Variants in ABCA9 observed in about 807,000 individuals in gnomAD.
ABCA9 encodes the protein ATP-binding cassette sub-family A member 9.
Under a neutral mutation model 205.3 loss-of-function variants are expected in ABCA9, and 183 were observed. The observed-to-expected ratio is 0.89, with a 90% CI of 0.79 to 1.01. The LOEUF is 1.01. Ranked by LOEUF, ABCA9 falls within the 50% of genes least tolerant of loss-of-function variation. The pLI, the probability that ABCA9 is intolerant of heterozygous loss-of-function variation, is 0.00. For missense variants in ABCA9, 1,805 were observed against 1,912.4 expected (o/e 0.94, Z 1.05); for synonymous variants, 651 against 683.3 (o/e 0.95, Z 0.74).
intron 22 of ABCA9, among the ~76,000 whole-genome samples, chr17:69,014,627 C>T (rs1193414523): frequency 6.6e-6 from 1 of 151,726 alleles, no homozygotes; most frequent in East Asian, 1.9e-4. Flanking sequence ...ACTGCTGAAA[C>T]GTGGCTTGAA....
intron 23 of ABCA9, among the ~76,000 whole-genome samples, chr17:69,009,839 G>A (rs149879165): frequency 2.0e-5 from 3 of 152,184 alleles, no homozygotes; most frequent in Admixed American, 6.5e-5. Flanking sequence ...GAAGATGAGA[G>A]AGAAAGAAAG....
chr17:68,997,856 A>G (rs554001799), intron 25 of ABCA9, among the ~76,000 whole-genome samples: 1 of 152,278 alleles, frequency 6.6e-6, no homozygotes, highest in African/African-American at 2.4e-5. Context: ...TGGACATTCT[A>G]TAGGTTTGGA....
Position 68,986,218 on chromosome 17 carries a change from A to G in ABCA9, c.4154T>C (p.Val1385Ala), listed in dbSNP as rs1383943664. The G allele has an allele frequency of 1.2e-6, 2 of 1,613,314 alleles. No individual in the cohort carries two copies. The highest frequency in any genetic ancestry group is 1.7e-6 in the Non-Finnish European group (2 of 1,179,690). The change falls in exon 32 of 39, where the codon GTG becomes GCG. Residue 1385 changes from valine to alanine, a missense_variant. Val to Ala is a moderately conservative substitution (Grantham distance 64, BLOSUM62 0). Coordinates refer to ENST00000340001, the MANE Select transcript of ABCA9 (RefSeq NM_080283.4). Reference protein sequence around the residue: ...PNLTVRQHLEVYAAVKGLRKG... With the variant: ...PNLTVRQHLEAYAAVKGLRKG... ...CCTGAGACCTTTCACGGCAGCGTAC[A>G]CCTCCAGGTGCTGCCTCACTGTCAG...
rs555858738 is a variant in ABCA9, at chr17:69,032,115, C to T, written c.1438G>A (p.Ala480Thr). The T allele has an allele frequency of 6.2e-7, 1 of 1,609,432 alleles. No individual in the cohort carries two copies. Among genetic ancestry groups the T allele is most frequent in the East Asian group, 2.2e-5 (1 of 44,844 alleles). The change falls in exon 10 of 39, where the codon GCC becomes ACC. Residue 480 changes from alanine to threonine, a missense_variant. By Grantham distance (58) the Ala-to-Thr change is moderately conservative. Transcript: ENST00000340001. Reference sequence around the variant, plus strand: ...AAGTAATTTATTGGTTACCTGATGGCTTCTTTCCCACAGAATTCTGGAGAC... The same window carrying T: ...AAGTAATTTATTGGTTACCTGATGGTTTCTTTCCCACAGAATTCTGGAGAC... The part of the protein sequence containing the change: ...PVSPEFCGKE[A>T]IRIKNLKKEY...
chr17:69,075,628 G>T, the ABCA9 span, among the ~76,000 whole-genome samples: 2 of 152,102 alleles, frequency 1.3e-5, no homozygotes, highest in Non-Finnish European at 2.9e-5. Context: ...GTATCATGCT[G>T]TTTTGGTTAC....
Position 69,044,499 on chromosome 17 carries a change from C to G in ABCA9, c.571G>C (p.Glu191Gln). Residue 191 changes from glutamate (E) to glutamine (Q), a missense_variant and splice_region_variant, in exon 5 of 39, where the codon GAA becomes CAA. Physicochemically the swap from Glu to Gln is conservative, Grantham distance 29. Transcript: ENST00000340001. ...FQAAINAAII[E>Q]IATNHSVMEQ... Reference sequence around the variant, plus strand: ...GATTCCTTTAACTTTATACTCACTTCTATGATAGCAGCATTAATGGCAGCT... The same window carrying G: ...GATTCCTTTAACTTTATACTCACTTGTATGATAGCAGCATTAATGGCAGCT... The G allele has an allele frequency of 1.2e-6, 2 of 1,612,434 alleles. No homozygotes were observed. The highest frequency in any genetic ancestry group is 4.5e-5 in the East Asian group (2 of 44,756).
chr17:68,991,091 T>A, intron 28 of ABCA9, 134 bp from the exon 29 acceptor site: 1 of 994,908 alleles, frequency 1.0e-6, no homozygotes, highest in Non-Finnish European at 1.4e-6. Context: ...TTCTTCTACT[T>A]GCACCATCCG....
In ABCA9 at chr17:68,975,775, A is replaced by G. The variant is rs1405263889; in HGVS notation, c.*140T>C. ...CTGACATCGCCTGTTGTCTCACTGT[A>G]AGAAATACTACTGAGGATAATTATT... On this transcript the variant is annotated 3_prime_UTR_variant, in exon 39 of 39. Coordinates refer to ENST00000340001, the MANE Select transcript of ABCA9 (RefSeq NM_080283.4). 4 of 696,012 alleles carry G rather than the reference A, an allele frequency of 5.7e-6. No individual in the cohort carries two copies. The highest frequency in any genetic ancestry group is 9.7e-6 in the Non-Finnish European group (4 of 412,572). The allele number at this position is 696,012 out of a possible 1,614,324, so 43.1% of individuals were successfully genotyped here. A position where few individuals can be genotyped will look rare whatever the true frequency, so the allele number is the denominator to read the frequency against.
chr17:69,061,610 C>T (rs919586018), upstream of ABCA9, among the ~76,000 whole-genome samples: 1 of 152,208 alleles, frequency 6.6e-6, no homozygotes, highest in Non-Finnish European at 1.5e-5. Flanking sequence ...GCTCTCAAAG[C>T]CTCCAGGCTT....
chr17:69,001,259 T>A (rs994850055), intron 25 of ABCA9, among the ~76,000 whole-genome samples: 6 of 152,182 alleles, frequency 3.9e-5, no homozygotes, highest in Non-Finnish European at 8.8e-5. Flanking sequence ...TGTGGGTTTG[T>A]CATAGATAAC....
intron 30 of ABCA9, 146 bp from the exon 31 acceptor site, chr17:68,989,264 A>ACACG: frequency 2.1e-6 from 1 of 472,920 alleles, no homozygotes; most frequent in Non-Finnish European, 3.8e-6. Flanking sequence ...TCTCACACAC[A>ACACG]CACACACACA....
At chr17:69,066,764 G>T in the ABCA9 span, among the ~76,000 whole-genome samples, 2 of 152,188 alleles carry the variant, frequency 1.3e-5, no homozygotes, top group African/African-American at 4.8e-5. Context: ...CAACAGATGT[G>T]CTGGGCACTT....
chr17:69,048,240 CAAA>C (rs2071784217), intron 3 of ABCA9, among the ~76,000 whole-genome samples: 2 of 152,116 alleles, frequency 1.3e-5, no homozygotes, highest in Admixed American at 1.3e-4. Flanking sequence ...GACACAGAGT[CAAA>C]CCTATCATGA....
chr17:69,004,364 T>C (rs2070025727), intron 25 of ABCA9, among the ~76,000 whole-genome samples: 1 of 152,180 alleles, frequency 6.6e-6, no homozygotes, highest in South Asian at 2.1e-4. Context: ...GCAGGTCTGT[T>C]GGAGTACCCT....
At chr17:68,998,104 G>A (rs1047565821) in intron 25 of ABCA9, among the ~76,000 whole-genome samples, 2 of 152,056 alleles carry the variant, frequency 1.3e-5, no homozygotes, top group Admixed American at 6.6e-5. Context: ...ATGTCTTTTC[G>A]TGACTTAAGA....
intron 9 of ABCA9, among the ~76,000 whole-genome samples, 156 bp from the exon 10 acceptor site, chr17:69,032,432 G>C (rs376739198): frequency 5.9e-5 from 9 of 152,142 alleles, no homozygotes; most frequent in African/African-American, 2.2e-4. Flanking sequence ...GACACACACA[G>C]AACAGTGAGG....
rs139287824 is a variant in ABCA9, at chr17:69,007,998, A to G, written c.3321+64T>C. ...TTTGAAGTTCTTTGGTTTAAGATTA[A>G]TGATATTACTGCATTCATGAAAAAA... On this transcript the variant is annotated intron_variant, in intron 24 of 38. Transcript: ENST00000340001. 5.7e-5 allele frequency: 85 copies of G among 1,501,244 alleles called. No individual in the cohort carries two copies. The African/African-American group carries it at 9.4e-4, about 17-fold the overall frequency. 93.0% of individuals were successfully genotyped at this position (1,501,244 alleles called of 1,614,324 possible). A position where few individuals can be genotyped will look rare whatever the true frequency, so the allele number is the denominator to read the frequency against.
chr17:68,992,889 A>ATGTGTGTGCACGCATGCATGCATGTGCT, intron 27 of ABCA9, 127 bp downstream of exon 27: 1 of 670,552 alleles, frequency 1.5e-6, no homozygotes, highest in Non-Finnish European at 2.6e-6. Context: ...ATGCATGTGC[A>ATGTGTGTGCACGCATGCATGCATGTGCT]TGTGTGTGTT....
chr17:69,020,240 GT>G, intron 19 of ABCA9, 147 bp downstream of exon 19: 1 of 747,024 alleles, frequency 1.3e-6, no homozygotes, highest in Non-Finnish European at 2.1e-6. Flanking sequence ...ATTAAAAATG[GT>G]TTCTTTAATT....
Sources: allele counts gnomAD v4.1 joint callset (sites outside exome capture counted in the v4.1 genomes callset), GRCh38; gene constraint gnomAD v4.1.1; transcripts MANE v1.5; gene names NCBI Gene and HGNC (gene_info 2026-07-23, HGNC 2026-07-21).